UTRN: variants seen among roughly 807,000 people sequenced by gnomAD.
UTRN encodes utrophin, also known as dystrophin-related protein 1.
Under a neutral mutation model 463.9 loss-of-function variants are expected in UTRN, and 283 were observed. The observed-to-expected ratio is 0.61, with a 90% CI of 0.55 to 0.67. The LOEUF (loss-of-function observed/expected upper bound fraction) is 0.67. Ranked by LOEUF, UTRN falls within the 30% of genes least tolerant of loss-of-function variation. UTRN has a pLI of 0.00. For missense variants in UTRN, 3,922 were observed against 4,084.3 expected, an observed-to-expected ratio of 0.96 and a Z score of 1.08; for synonymous variants, 1,442 against 1,431.5, an observed-to-expected ratio of 1.01 and a Z score of -0.17.
intron 48 of UTRN, 54 bp downstream of exon 48, chr6:144,551,136 G>GAC (rs5880596): frequency 0.12 from 73,304 of 632,126 alleles, 2,688 homozygotes; most frequent in African/African-American, 0.19. Flanking sequence ...TGCAAATGGT[G>GAC]ACACACACAC....
At chr6:144,384,477 T>A (rs1781236324) in intron 2 of UTRN, among the ~76,000 whole-genome samples, 1 of 151,792 alleles carries the variant, frequency 6.6e-6, no homozygotes, top group Admixed American at 6.6e-5. Context: ...CCCCACTGCC[T>A]CCCCCACTGC....
intron 51 of UTRN, among the ~76,000 whole-genome samples, chr6:144,577,824 A>G (rs1046917504): frequency 6.6e-6 from 1 of 152,238 alleles, no homozygotes; most frequent in Non-Finnish European, 1.5e-5. Flanking sequence ...ATTTATAAAC[A>G]TTATAAGGAA....
In UTRN at chr6:144,732,225, T is replaced by TAC. The variant is rs1359901860; in HGVS notation, c.7939+1740_7939+1741insCA. Among the ~76,000 whole-genome samples, 260 of 45,962 alleles carry TAC rather than the reference T, an allele frequency of 5.7e-3. 4 individuals are homozygous for TAC. The highest frequency in any genetic ancestry group is 8.7e-3 in the Admixed American group (19 of 2,186). The allele number at this position is 45,962 out of a possible 152,430, so 30.2% of individuals were successfully genotyped here. ...TTGAGTACTCTGTTTTATATATATA[T>TAC]ATATATATATATACATATATATATA... On this transcript the variant is annotated intron_variant, in intron 54 of 74. Coordinates refer to ENST00000367545, the MANE Select transcript of UTRN (RefSeq NM_007124.3).
At chr6:144,821,149 A>G (rs1779564484) in intron 66 of UTRN, 131 bp downstream of exon 66, 2 of 1,151,524 alleles carry the variant, frequency 1.7e-6, no homozygotes, top group Non-Finnish European at 1.2e-6. Flanking sequence ...ACTTGGAATC[A>G]GTCTTCACAA....
rs73780517 is a variant in UTRN, at chr6:144,309,854, C to T, written c.79+17947C>T. ...TGTTTATCCTGCCTGGCTTCATCTC[C>T]CCTTACTAGTTTGTGCTCATTATAT... On this transcript the variant is annotated intron_variant, in intron 2 of 74. Coordinates refer to ENST00000367545, the MANE Select transcript of UTRN (RefSeq NM_007124.3). Among the ~76,000 whole-genome samples, 1,058 of 152,330 alleles carry T rather than the reference C, an allele frequency of 6.9e-3. 12 individuals carry two copies. Among genetic ancestry groups the T allele is most frequent in the African/African-American group, 0.024 (1,001 of 41,578 alleles).
intron 51 of UTRN, among the ~76,000 whole-genome samples, chr6:144,629,601 C>A (rs1381646784): frequency 6.6e-6 from 1 of 152,150 alleles, no homozygotes; most frequent in African/African-American, 2.4e-5. Context: ...GATGTTGCAT[C>A]CTAAATGCCT....
intron 51 of UTRN, among the ~76,000 whole-genome samples, chr6:144,607,785 C>G (rs1420320192): frequency 1.3e-5 from 2 of 152,138 alleles, no homozygotes; most frequent in Non-Finnish European, 2.9e-5. Context: ...ATCTGTATAA[C>G]TTAGAAGGTC....
intron 2 of UTRN, among the ~76,000 whole-genome samples, chr6:144,384,816 C>T (rs1389186138): frequency 6.6e-6 from 1 of 152,140 alleles, no homozygotes; most frequent in Non-Finnish European, 1.5e-5. Context: ...TGTTTGTGGA[C>T]ACTTGGGTTG....
rs749012927 is a variant in UTRN at position 144,458,793 on chromosome 6, A to G, written c.2308A>G (p.Lys770Glu). 2 of 1,602,070 alleles carry G rather than the reference A, an allele frequency of 1.2e-6. No homozygotes were observed. The highest frequency in any genetic ancestry group is 1.7e-6 in the Non-Finnish European group (2 of 1,176,788). Residue 770 changes from lysine (K) to glutamate (E), a missense_variant, in exon 20 of 75, where the codon AAA (lysine) becomes GAA (glutamate). Lys to Glu is a moderately conservative substitution (Grantham distance 56). This residue lies in a region of UTRN where 2,349 missense variants were observed against 2,303.8 expected (regional missense o/e 1.02). Coordinates refer to ENST00000367545, the MANE Select transcript of UTRN (RefSeq NM_007124.3). ...AGAAGGCCTTCCTACTGAAGAAATA[A>G]AAAATGTTCTGGAGAAGGTTTCATC... ...GKEGLPTEEI[K>E]NVLEKVSSEW...
intron 2 of UTRN, 92 bp downstream of exon 2, chr6:144,291,999 T>G: frequency 1.6e-6 from 2 of 1,251,202 alleles, no homozygotes; most frequent in East Asian, 2.7e-5. Flanking sequence ...TTGCAAGAAC[T>G]TCTTGGAGGT....
Position 144,844,115 on chromosome 6 carries a change from C to T in UTRN, c.10271-2690C>T, listed in dbSNP as rs73596369. On this transcript the variant is annotated intron_variant, in intron 73 of 74. Transcript: ENST00000367545. ...GGTATTATATACAAGACAGGGACAGCTTTCCATAAAAATAAAAGCTGTATT... is the reference window on the plus strand; with the variant it reads ...GGTATTATATACAAGACAGGGACAGTTTTCCATAAAAATAAAAGCTGTATT... 7.7e-3 allele frequency among the ~76,000 whole-genome samples: 1,167 copies of T among 152,236 alleles called. 19 individuals carry two copies. Among genetic ancestry groups the T allele is most frequent in the African/African-American group, 0.025 (1,052 of 41,544 alleles).
At chr6:144,641,833 G>A (rs568793623) in intron 51 of UTRN, among the ~76,000 whole-genome samples, 1 of 152,316 alleles carries the variant, frequency 6.6e-6, no homozygotes, top group Non-Finnish European at 1.5e-5. Flanking sequence ...GAATAAAGCG[G>A]TTGATTAGTG....
At chr6:144,415,884 G>A (rs1784317342) in intron 3 of UTRN, among the ~76,000 whole-genome samples, 1 of 152,132 alleles carries the variant, frequency 6.6e-6, no homozygotes. Context: ...ATGTGTTTTT[G>A]GAAGTGGAAG....
At chr6:144,827,725 A>G in intron 68 of UTRN, 49 bp downstream of exon 68, 2 of 1,568,902 alleles carry the variant, frequency 1.3e-6, no homozygotes, top group African/African-American at 1.4e-5. Context: ...CCCAGAATGT[A>G]TCTATGTCTA....
intron 25 of UTRN, among the ~76,000 whole-genome samples, chr6:144,478,204 G>GA (rs1362694016): frequency 2.0e-5 from 3 of 152,024 alleles, no homozygotes; most frequent in Non-Finnish European, 2.9e-5. Context: ...ATGATATCCT[G>GA]AAAAAAAGGA....
chr6:144,471,923 C>A (rs1790699062), intron 23 of UTRN, among the ~76,000 whole-genome samples: 1 of 152,158 alleles, frequency 6.6e-6, no homozygotes, highest in Non-Finnish European at 1.5e-5. Context: ...TTCAAAACTA[C>A]AAAGTATAGA....
intron 46 of UTRN, among the ~76,000 whole-genome samples, chr6:144,545,974 C>T (rs991545527): frequency 3.9e-5 from 6 of 152,278 alleles, no homozygotes; most frequent in South Asian, 4.1e-4. Context: ...GACCCAAGAC[C>T]GTACCATTGC....
intron 34 of UTRN, 93 bp from the exon 35 acceptor site, chr6:144,510,851 T>C (rs760084265): frequency 1.1e-5 from 12 of 1,135,548 alleles, no homozygotes; most frequent in Non-Finnish European, 1.4e-5. Context: ...CTACTTTGTA[T>C]ATGTGGCAGA....
At chr6:144,665,440 T>G (rs562093088) in intron 51 of UTRN, among the ~76,000 whole-genome samples, 1 of 151,532 alleles carries the variant, frequency 6.6e-6, no homozygotes, top group Admixed American at 6.6e-5. Context: ...ACTTGTAGCT[T>G]TATAATCAAG....
Sources: allele counts gnomAD v4.1 joint callset (sites outside exome capture counted in the v4.1 genomes callset), GRCh38; gene constraint gnomAD v4.1.1; regional missense constraint gnomAD v4.1.1; transcripts MANE v1.5; gene names NCBI Gene and HGNC (gene_info 2026-07-23, HGNC 2026-07-21).